HS6ST3: variants seen among roughly 807,000 people sequenced by gnomAD.
HS6ST3 encodes heparan-sulfate 6-O-sulfotransferase 3.
Under a neutral mutation model 36.7 loss-of-function variants are expected in HS6ST3, and 12 were observed. The observed-to-expected ratio is 0.33, with a 90% confidence interval of 0.21 to 0.53. The LOEUF is 0.53. Ranked by LOEUF, HS6ST3 falls within the 20% of genes least tolerant of loss-of-function variation. HS6ST3 has a pLI of 0.95. For synonymous variants in HS6ST3, 240 were observed against 257.5 expected, an observed-to-expected ratio of 0.93 and a Z score of 0.65; for missense variants, 584 against 640.9, an observed-to-expected ratio of 0.91 and a Z score of 0.96.
At chr13:96,451,515 G>A (rs2055728241) in intron 1 of HS6ST3, among the ~76,000 whole-genome samples, 2 of 152,166 alleles carry the variant, frequency 1.3e-5, no homozygotes, top group South Asian at 4.1e-4. Context: ...AAATATTGAA[G>A]TTTGAATTCT....
At chr13:96,267,172 T>G (rs1594737735) in intron 1 of HS6ST3, among the ~76,000 whole-genome samples, 1 of 152,156 alleles carries the variant, frequency 6.6e-6, no homozygotes. Flanking sequence ...GTGCCTTTGC[T>G]CCTCCTTCAC....
intron 1 of HS6ST3, among the ~76,000 whole-genome samples, chr13:96,421,702 C>G (rs2055563386): frequency 6.7e-6 from 1 of 149,890 alleles, no homozygotes; most frequent in South Asian, 2.3e-4. Flanking sequence ...CCTAACTCAC[C>G]AAGAAGAATT....
At chr13:96,323,830 A>G (rs1594753294) in intron 1 of HS6ST3, among the ~76,000 whole-genome samples, 2 of 152,092 alleles carry the variant, frequency 1.3e-5, no homozygotes, top group African/African-American at 2.4e-5. Context: ...TTTTCTTCCC[A>G]CCACCAGCAG....
chr13:96,596,553 G>A (rs2056402268), intron 1 of HS6ST3, among the ~76,000 whole-genome samples: 1 of 152,056 alleles, frequency 6.6e-6, no homozygotes, highest in Non-Finnish European at 1.5e-5. Flanking sequence ...TTTCCATATA[G>A]GGTGTACTAA....
At position 96,223,693 on chromosome 13, in the gene HS6ST3, A is replaced by G. The variant is rs577607711; in HGVS notation, c.707+132124A>G. ...TTTTGTCGTTTTTTATTTTCAGGTT[A>G]TTTCTTTATTTGTGTCTAACTTGGG... On this transcript the variant is annotated intron_variant, in intron 1 of 1. Coordinates refer to ENST00000376705, the MANE Select transcript of HS6ST3 (RefSeq NM_153456.4). Among the ~76,000 whole-genome samples, 6 of 151,806 alleles carry G rather than the reference A, an allele frequency of 4.0e-5. No homozygotes were observed. In the East Asian group the frequency reaches 1.2e-3, roughly 29 times the overall value.
intron 1 of HS6ST3, among the ~76,000 whole-genome samples, chr13:96,366,668 C>A (rs1389503112): frequency 6.6e-6 from 1 of 151,956 alleles, no homozygotes; most frequent in Non-Finnish European, 1.5e-5. Context: ...AGAGGTAAGA[C>A]CCAGGCATAG....
intron 1 of HS6ST3, among the ~76,000 whole-genome samples, chr13:96,816,520 A>G (rs1229763339): frequency 6.6e-6 from 1 of 152,204 alleles, no homozygotes; most frequent in Non-Finnish European, 1.5e-5. Context: ...TTTGTTTAAC[A>G]ACAGTGATTC....
chr13:96,530,733 G>A (rs1321111182), intron 1 of HS6ST3, among the ~76,000 whole-genome samples: 1 of 152,076 alleles, frequency 6.6e-6, no homozygotes, highest in Admixed American at 6.5e-5. Context: ...TCTATTTCCA[G>A]CAACAGTTTG....
intron 1 of HS6ST3, among the ~76,000 whole-genome samples, chr13:96,822,201 C>A (rs1187467766): frequency 6.6e-6 from 1 of 152,178 alleles, no homozygotes; most frequent in Admixed American, 6.5e-5. Context: ...TTATCTCACT[C>A]CAAGGCGGCT....
chr13:96,559,960 A>C (rs2056255830), intron 1 of HS6ST3, among the ~76,000 whole-genome samples: 1 of 152,140 alleles, frequency 6.6e-6, no homozygotes, highest in Non-Finnish European at 1.5e-5. Context: ...CCATTCATAC[A>C]ACTATATTTT....
intron 1 of HS6ST3, among the ~76,000 whole-genome samples, chr13:96,387,389 C>A (rs868291319): frequency 6.6e-6 from 1 of 152,238 alleles, no homozygotes. Context: ...ATCATTTAAA[C>A]CCTTTCTCTA....
At chr13:96,759,908 C>T (rs1333876103) in intron 1 of HS6ST3, among the ~76,000 whole-genome samples, 1 of 151,944 alleles carries the variant, frequency 6.6e-6, no homozygotes, top group East Asian at 1.9e-4. Flanking sequence ...ATATAATCTC[C>T]TGATTTCAGT....
intron 1 of HS6ST3, among the ~76,000 whole-genome samples, chr13:96,442,407 G>T (rs1324706915): frequency 6.6e-6 from 1 of 152,130 alleles, no homozygotes; most frequent in African/African-American, 2.4e-5. Flanking sequence ...CATTTTCTCT[G>T]ACTGTGCATC....
At chr13:96,626,427 C>T (rs2056512667) in intron 1 of HS6ST3, among the ~76,000 whole-genome samples, 1 of 152,108 alleles carries the variant, frequency 6.6e-6, no homozygotes, top group South Asian at 2.1e-4. Context: ...TGTTTTCACA[C>T]GTGCTCTCAA....
At chr13:96,364,214 CA>C (rs542184703) in intron 1 of HS6ST3, among the ~76,000 whole-genome samples, 122 of 152,190 alleles carry the variant, frequency 8.0e-4, no homozygotes, top group Non-Finnish European at 1.6e-3. Flanking sequence ...CCATGGAAAA[CA>C]GTTTGATGAT....
chr13:96,536,227 T>A lies in HS6ST3; in HGVS notation c.708-296263T>A, dbSNP rs186353907. ...AAAAATTGTTAAAGCCTTTTCCTGG[T>A]ATCTCTTGGAAACACTTAGAAGCTT... On this transcript the variant is annotated intron_variant, in intron 1 of 1. Coordinates refer to ENST00000376705, the MANE Select transcript of HS6ST3 (RefSeq NM_153456.4). Among the ~76,000 whole-genome samples the A allele has an allele frequency of 1.1e-4, 16 of 152,348 alleles. No individual in the cohort carries two copies. The East Asian group carries it at 3.1e-3, about 29-fold the overall frequency.
At chr13:96,267,741 T>C (rs2054699305) in intron 1 of HS6ST3, among the ~76,000 whole-genome samples, 1 of 152,066 alleles carries the variant, frequency 6.6e-6, no homozygotes, top group East Asian at 1.9e-4. Flanking sequence ...CCCACTAGGA[T>C]GAGAAATTGT....
chr13:96,820,581 A>G (rs1301595092), intron 1 of HS6ST3, among the ~76,000 whole-genome samples: 2 of 152,236 alleles, frequency 1.3e-5, no homozygotes, highest in Admixed American at 1.3e-4. Flanking sequence ...TGAAGTAAGT[A>G]CTGATACTTC....
intron 1 of HS6ST3, among the ~76,000 whole-genome samples, chr13:96,499,913 T>A (rs762652869): frequency 1.3e-5 from 2 of 152,210 alleles, no homozygotes; most frequent in Non-Finnish European, 2.9e-5. Flanking sequence ...GTTTTGTTTT[T>A]TGAAATTACA....
Sources: allele counts gnomAD v4.1 joint callset (sites outside exome capture counted in the v4.1 genomes callset), GRCh38; gene constraint gnomAD v4.1.1; transcripts MANE v1.5; gene names NCBI Gene and HGNC (gene_info 2026-07-23, HGNC 2026-07-21).